RANBP2: variants seen among roughly 807,000 people sequenced by gnomAD.
RANBP2 encodes E3 SUMO-protein ligase RanBP2.
In RANBP2, 57 loss-of-function variants were observed where a neutral mutation model predicts 303.6. That is an observed-to-expected ratio of 0.19 (90% confidence interval 0.15 to 0.23). The LOEUF (loss-of-function observed/expected upper bound fraction) is 0.23, where lower values mean the gene tolerates loss of function less well. Among genes scored for constraint, RANBP2 ranks in the 10% least tolerant of loss-of-function variants. The pLI is 1.00. For missense variants in RANBP2, 3,138 were observed against 3,780.8 expected, an observed-to-expected ratio of 0.83 and a Z score of 4.46; for synonymous variants, 1,167 against 1,301.5, an observed-to-expected ratio of 0.90 and a Z score of 2.23.
chr2:109,249,592 T>TC, the RANBP2 span, among the ~76,000 whole-genome samples: 4 of 134,372 alleles, frequency 3.0e-5, no homozygotes, highest in African/African-American at 5.8e-5. Context: ...TCCTTTCCTT[T>TC]CTTTCTTTTT....
chr2:109,428,778 T>C, the RANBP2 span, among the ~76,000 whole-genome samples: 20 of 152,294 alleles, frequency 1.3e-4, no homozygotes, highest in East Asian at 2.7e-3. Flanking sequence ...TCGAGTGTTA[T>C]GGAGATGCCC....
chr2:109,585,855 A>C, the RANBP2 span: 1 of 1,596,056 alleles, frequency 6.3e-7, no homozygotes, highest in African/African-American at 1.3e-5. Context: ...GAAAATAAAA[A>C]CAAAAACAAC....
the RANBP2 span, among the ~76,000 whole-genome samples, chr2:109,396,151 A>G: frequency 0.07 from 10,690 of 152,226 alleles, 1,216 homozygotes; most frequent in African/African-American, 0.24. Context: ...TGGGCAGAGA[A>G]CACTGGGGTC....
At chr2:109,249,801 C>T in the RANBP2 span, among the ~76,000 whole-genome samples, 12 of 151,716 alleles carry the variant, frequency 7.9e-5, no homozygotes, top group East Asian at 1.9e-4. Context: ...GGACTACAGG[C>T]GCCCGCCACC....
At chr2:108,873,372 A>G in the RANBP2 span, 7 of 1,243,820 alleles carry the variant, frequency 5.6e-6, no homozygotes, top group Non-Finnish European at 7.5e-6. Context: ...AATGCCTCAC[A>G]TAGTTCTGAT....
intron 8 of RANBP2, among the ~76,000 whole-genome samples, chr2:108,748,222 T>C (rs74484252): frequency 6.6e-6 from 1 of 151,594 alleles, no homozygotes; most frequent in Admixed American, 6.6e-5. Context: ...TTTTTTTTTT[T>C]CCTGAGACAG....
the RANBP2 span, among the ~76,000 whole-genome samples, chr2:108,843,823 T>C: frequency 3.3e-5 from 5 of 150,472 alleles, no homozygotes; most frequent in African/African-American, 1.2e-4. Flanking sequence ...TTTTCAGTCA[T>C]TATTTCTTCA....
the RANBP2 span, among the ~76,000 whole-genome samples, chr2:109,470,569 G>A: frequency 2.6e-5 from 4 of 152,210 alleles, no homozygotes; most frequent in South Asian, 2.1e-4. Flanking sequence ...AGTACTCTAC[G>A]TGCAGAGCTG....
chr2:108,994,670 A>T, the RANBP2 span, among the ~76,000 whole-genome samples: 1 of 151,982 alleles, frequency 6.6e-6, no homozygotes, highest in Admixed American at 6.6e-5. Context: ...TCTATCATAA[A>T]TCATGGCTCC....
the RANBP2 span, among the ~76,000 whole-genome samples, chr2:108,862,157 A>G: frequency 6.6e-6 from 1 of 151,292 alleles, no homozygotes; most frequent in African/African-American, 2.4e-5. Context: ...GATGAGAAGA[A>G]TATATATTCT....
At chr2:109,567,868 A>G in the RANBP2 span, 66 of 1,613,864 alleles carry the variant, frequency 4.1e-5, no homozygotes, top group Non-Finnish European at 5.4e-5. Context: ...GGGAACTGGT[A>G]TATCTGGACG....
chr2:109,688,780 A>AT, the RANBP2 span, among the ~76,000 whole-genome samples: 362 of 138,642 alleles, frequency 2.6e-3, 3 homozygotes, highest in African/African-American at 9.2e-3. Context: ...CTCTGTCTCA[A>AT]TAAAAAAAAA....
intron 17 of RANBP2, 84 bp downstream of exon 17, chr2:108,755,343 T>C: frequency 6.3e-7 from 1 of 1,598,200 alleles, no homozygotes; most frequent in South Asian, 1.1e-5. Context: ...CTGAAGCTGG[T>C]CAGAATGTCC....
At chr2:109,728,320 G>A in the RANBP2 span, among the ~76,000 whole-genome samples, 17 of 152,122 alleles carry the variant, frequency 1.1e-4, no homozygotes, top group Non-Finnish European at 2.4e-4. Context: ...CCAAACTGAA[G>A]ATTCATTAGC....
chr2:109,658,350 G>A, the RANBP2 span, among the ~76,000 whole-genome samples: 1 of 151,896 alleles, frequency 6.6e-6, no homozygotes, highest in African/African-American at 2.4e-5. Flanking sequence ...GAGAGGCTGA[G>A]GCAGAGAATT....
the RANBP2 span, among the ~76,000 whole-genome samples, chr2:109,064,445 G>A: frequency 1.1e-5 from 1 of 90,718 alleles, no homozygotes; most frequent in Non-Finnish European, 1.9e-5. Context: ...GACAGAGCAA[G>A]ACTCTGTCTC....
the RANBP2 span, chr2:108,930,986 G>A: frequency 1.2e-5 from 20 of 1,613,896 alleles, 1 homozygote; most frequent in South Asian, 6.6e-5. Context: ...GAGCCAGGGC[G>A]TCTGCGTGCA....
chr2:108,730,976 A>C, intron 3 of RANBP2, 91 bp downstream of exon 3: 2 of 1,426,242 alleles, frequency 1.4e-6, no homozygotes, highest in South Asian at 2.4e-5. Flanking sequence ...TATTTTATGA[A>C]TATCATAAAA....
chr2:108,943,046 A>G, the RANBP2 span, among the ~76,000 whole-genome samples: 1 of 152,334 alleles, frequency 6.6e-6, no homozygotes, highest in Non-Finnish European at 1.5e-5. Context: ...AATAACCATT[A>G]CATGTCCCTT....
Sources: allele counts gnomAD v4.1 joint callset (sites outside exome capture counted in the v4.1 genomes callset), GRCh38; gene constraint gnomAD v4.1.1; transcripts MANE v1.5; gene names NCBI Gene and HGNC (gene_info 2026-07-23, HGNC 2026-07-21).